Variants in IPO7 observed in about 807,000 individuals in gnomAD.
IPO7 encodes importin 7.
In IPO7, 13 loss-of-function variants were observed where a neutral mutation model predicts 136.4. The observed-to-expected ratio is 0.10, with a 90% CI of 0.06 to 0.15. The LOEUF (loss-of-function observed/expected upper bound fraction) is 0.15, where lower values mean the gene tolerates loss of function less well. Among genes scored for constraint, IPO7 ranks in the 10% least tolerant of loss-of-function variants. The pLI is 1.00. For missense variants in IPO7, 857 were observed against 1,240.6 expected (o/e 0.69, Z 4.65); for synonymous variants, 403 against 404.4 (o/e 1.00, Z 0.04).
chr11:9,396,611 A>G (rs1188846558), intron 1 of IPO7, among the ~76,000 whole-genome samples: 4 of 152,054 alleles, frequency 2.6e-5, no homozygotes, highest in Admixed American at 6.6e-5. Flanking sequence ...CTAGGCAACA[A>G]TCCTATTTTC....
At chr11:9,443,773 G>A (rs1353354993) in intron 24 of IPO7, among the ~76,000 whole-genome samples, 6 of 151,508 alleles carry the variant, frequency 4.0e-5, no homozygotes, top group Non-Finnish European at 8.9e-5. Context: ...GGTGGTGCAT[G>A]CCTGTAGTCC....
intron 1 of IPO7, among the ~76,000 whole-genome samples, chr11:9,391,242 A>T (rs1854629157): frequency 6.6e-6 from 1 of 151,672 alleles, no homozygotes; most frequent in South Asian, 2.1e-4. Context: ...TACTGAAAAT[A>T]TGAAAAATTA....
intron 24 of IPO7, among the ~76,000 whole-genome samples, 159 bp from the exon 25 acceptor site, chr11:9,444,938 T>C (rs1174280062): frequency 6.6e-6 from 1 of 151,892 alleles, no homozygotes. Context: ...CTCTACATAA[T>C]GCATGCTCCC....
chr11:9,390,912 G>A (rs1854623560), intron 1 of IPO7, among the ~76,000 whole-genome samples: 1 of 152,048 alleles, frequency 6.6e-6, no homozygotes, highest in Admixed American at 6.6e-5. Flanking sequence ...TGGGACTGCA[G>A]GCGCCCGCCA....
At chr11:9,418,762 T>G (rs890150093) in intron 6 of IPO7, among the ~76,000 whole-genome samples, 8 of 152,226 alleles carry the variant, frequency 5.3e-5, no homozygotes, top group Admixed American at 4.6e-4. Flanking sequence ...ACAATTATTA[T>G]GTACCCATGT....
intron 5 of IPO7, among the ~76,000 whole-genome samples, chr11:9,414,991 A>G (rs1452456201): frequency 1.3e-5 from 2 of 152,040 alleles, no homozygotes; most frequent in Admixed American, 6.6e-5. Context: ...CAACCAAATT[A>G]GTCAATTTAG....
In IPO7 at chr11:9,447,247, C is replaced by T. The variant is rs1855541835; in HGVS notation, c.*2053C>T. ...TAAAGGTTTTAGTTATTCCCATGCA[C>T]AGTATGAAAATTCTCATTTGCTGAG... On this transcript the variant is annotated 3_prime_UTR_variant, in exon 25 of 25. Coordinates refer to ENST00000379719, the MANE Select transcript of IPO7 (RefSeq NM_006391.3). 1 of 152,062 alleles carries T rather than the reference C, an allele frequency of 6.6e-6. No individual in the cohort carries two copies. The highest frequency in any genetic ancestry group is 2.4e-5 in the African/African-American group (1 of 41,400). 9.4% of individuals were successfully genotyped at this position (152,062 alleles called of 1,614,324 possible).
At chr11:9,418,428 C>A (rs938710606) in intron 6 of IPO7, among the ~76,000 whole-genome samples, 2 of 152,028 alleles carry the variant, frequency 1.3e-5, no homozygotes, top group African/African-American at 4.8e-5. Flanking sequence ...CCTCAAAATC[C>A]TTCTGACTTT....
chr11:9,408,485 G>A lies in IPO7; in HGVS notation c.167-1G>A. 1 of 1,543,346 alleles carries A rather than the reference G, an allele frequency of 6.5e-7. No homozygotes were observed. Among genetic ancestry groups the A allele is most frequent in the Non-Finnish European group, 8.7e-7 (1 of 1,147,048 alleles). On this transcript the variant is annotated splice_acceptor_variant, in intron 2 of 24. Coordinates refer to ENST00000379719, the MANE Select transcript of IPO7 (RefSeq NM_006391.3). LOFTEE classifies it high-confidence loss of function. ...TTTTGTCAAACTGATCTGTATTTTA[G>A]GTGTTATCTATCTGAAAAATATGAT...
At chr11:9,442,746 G>C (rs1855476115) in intron 24 of IPO7, among the ~76,000 whole-genome samples, 1 of 151,834 alleles carries the variant, frequency 6.6e-6, no homozygotes, top group Admixed American at 6.6e-5. Context: ...AATTGGGCCA[G>C]GTGTGGTGGC....
At chr11:9,399,033 G>A (rs1195407549) in intron 1 of IPO7, among the ~76,000 whole-genome samples, 1 of 152,138 alleles carries the variant, frequency 6.6e-6, no homozygotes, top group Non-Finnish European at 1.5e-5. Flanking sequence ...TTTGCTTAAA[G>A]GGGATTGATT....
In IPO7 at chr11:9,447,055, C is replaced by A. The variant is rs992168028; in HGVS notation, c.*1861C>A. On this transcript the variant is annotated 3_prime_UTR_variant, in exon 25 of 25. Coordinates refer to ENST00000379719, the MANE Select transcript of IPO7 (RefSeq NM_006391.3). Reference sequence around the variant, plus strand: ...AAATGAAGTAGTTGTATATATGCAACATTGTGTACAGAGGGGAAATAATGA... The same window carrying A: ...AAATGAAGTAGTTGTATATATGCAAAATTGTGTACAGAGGGGAAATAATGA... The A allele has an allele frequency of 3.9e-5, 6 of 152,100 alleles. No individual in the cohort carries two copies. Among genetic ancestry groups the A allele is most frequent in the African/African-American group, 1.4e-4 (6 of 41,422 alleles). 9.4% of individuals were successfully genotyped at this position (152,100 alleles called of 1,614,324 possible). A position where few individuals can be genotyped will look rare whatever the true frequency, so the allele number is the denominator to read the frequency against.
chr11:9,426,913 C>G (rs1855217792), intron 12 of IPO7, among the ~76,000 whole-genome samples: 1 of 147,234 alleles, frequency 6.8e-6, no homozygotes, highest in Non-Finnish European at 1.5e-5. Context: ...CTCCCCGCCC[C>G]CCCGCCATAT....
Position 9,418,288 on chromosome 11 carries a change from C to G in IPO7, c.726+1140C>G, listed in dbSNP as rs533932292. On this transcript the variant is annotated intron_variant, in intron 6 of 24. Coordinates refer to ENST00000379719, the MANE Select transcript of IPO7 (RefSeq NM_006391.3). Reference sequence around the variant, plus strand: ...GTTTCACCATCTTGGCCAGGGTGGTCTTAAACTCCTGACCTTGTGATCCAC... The same window carrying G: ...GTTTCACCATCTTGGCCAGGGTGGTGTTAAACTCCTGACCTTGTGATCCAC... Among the ~76,000 whole-genome samples, 264 of 151,600 alleles carry G rather than the reference C, an allele frequency of 1.7e-3. 2 individuals carry two copies. Among genetic ancestry groups the G allele is most frequent in the African/African-American group, 6.0e-3 (248 of 41,318 alleles).
intron 6 of IPO7, among the ~76,000 whole-genome samples, chr11:9,419,098 C>G (rs1364195437): frequency 3.3e-5 from 5 of 152,122 alleles, no homozygotes; most frequent in South Asian, 2.1e-4. Context: ...TTTTCACACT[C>G]TTGCATAAAT....
Position 9,425,274 on chromosome 11 carries a change from T to C in IPO7, c.1335+12T>C. The C allele has an allele frequency of 1.5e-6, 2 of 1,355,826 alleles. No homozygotes were observed. Among genetic ancestry groups the C allele is most frequent in the Non-Finnish European group, 2.1e-6 (2 of 944,696 alleles). 84.0% of individuals were successfully genotyped at this position (1,355,826 alleles called of 1,614,324 possible). On this transcript the variant is annotated intron_variant, in intron 12 of 24. Transcript: ENST00000379719. ...AAATACTTCTGAAGGTATTCTTTAG[T>C]GTGTTTGTATGTGCATGACTATGCA...
In IPO7 at chr11:9,422,988, C is replaced by G. The variant is rs745559785; in HGVS notation, c.907-18C>G. 2.7e-6 allele frequency: 4 copies of G among 1,487,738 alleles called. No individual in the cohort carries two copies. In the African/African-American group the frequency reaches 4.2e-5, roughly 16 times the overall value. The allele number at this position is 1,487,738 out of a possible 1,614,324, so 92.2% of individuals were successfully genotyped here. On this transcript the variant is annotated intron_variant, in intron 8 of 24. Transcript: ENST00000379719. ...TTCTATTTGAACATTGATTTGTGAT[C>G]GAAAATTTTTTTCCAAGGTTTTATT...
chr11:9,408,368 T>C (rs1163743049), intron 2 of IPO7, 118 bp from the exon 3 acceptor site: 18 of 525,380 alleles, frequency 3.4e-5, no homozygotes, highest in Non-Finnish European at 4.9e-5. Context: ...ATTTTGTTAA[T>C]GAAAGCATAG....
At chr11:9,425,285 GT>G (rs1477813917) in intron 12 of IPO7, 23 bp downstream of exon 12, 9 of 1,302,158 alleles carry the variant, frequency 6.9e-6, no homozygotes, top group Non-Finnish European at 1.0e-5. Flanking sequence ...GTGTTTGTAT[GT>G]GCATGACTAT....
Sources: gnomAD v4.1 joint callset for allele counts (sites outside exome capture counted in the v4.1 genomes callset) on GRCh38, gnomAD v4.1.1 for gene constraint, MANE v1.5 for transcripts, NCBI Gene and HGNC (gene_info 2026-07-23, HGNC 2026-07-21) for gene names.